C12orf42: variants seen among roughly 807,000 people sequenced by gnomAD.
The protein encoded by C12orf42 is uncharacterized protein C12orf42.
C12orf42 carries 25 observed loss-of-function variants against 21.6 expected under a neutral mutation model. The ratio of observed to expected loss-of-function variants is 1.16; its 90% CI spans 0.84 to 1.62. The LOEUF (loss-of-function observed/expected upper bound fraction) is 1.62. C12orf42 is among the 40% of genes most tolerant of loss of function. The pLI is 0.00. For synonymous variants in C12orf42, 174 were observed against 175.0 expected, an observed-to-expected ratio of 0.99 and a Z score of 0.05; for missense variants, 483 against 459.3, an observed-to-expected ratio of 1.05 and a Z score of -0.47.
At chr12:103,183,145 G>A in the C12orf42 span, among the ~76,000 whole-genome samples, 4 of 152,146 alleles carry the variant, frequency 2.6e-5, no homozygotes, top group Non-Finnish European at 4.4e-5. Flanking sequence ...ACAGTGGCCC[G>A]TTCTCAGTTC....
the C12orf42 span, among the ~76,000 whole-genome samples, chr12:103,051,233 T>C: frequency 1.3e-5 from 2 of 152,190 alleles, no homozygotes; most frequent in Non-Finnish European, 2.9e-5. Flanking sequence ...TAGTTCTAGT[T>C]GAACCATGCT....
intron 4 of C12orf42, among the ~76,000 whole-genome samples, chr12:103,312,710 T>C (rs1286880868): frequency 6.6e-6 from 1 of 152,216 alleles, no homozygotes; most frequent in Non-Finnish European, 1.5e-5. Flanking sequence ...TTTTAATGTG[T>C]AAGCATCTCT....
chr12:103,177,735 C>T, the C12orf42 span, among the ~76,000 whole-genome samples: 1 of 152,070 alleles, frequency 6.6e-6, no homozygotes, highest in African/African-American at 2.4e-5. Context: ...CAGTTTGCCT[C>T]TCCTCCTTCT....
downstream of C12orf42, chr12:103,267,694 T>G (rs1276372911): frequency 1.3e-5 from 2 of 152,118 alleles, no homozygotes. Flanking sequence ...TGAAGGTGTT[T>G]TAGAGATGAC....
chr12:103,343,057 G>T lies in C12orf42; in HGVS notation c.259+25830C>A, dbSNP rs887665069. ...AGCACAAATCCAAATGGAATAATTC[G>T]TTTTCAAAATATCAATATTTGCTGC... is the stretch of plus-strand genomic sequence containing the variant. On this transcript the variant is annotated intron_variant, in intron 4 of 5. Transcript: ENST00000548883. Among the ~76,000 whole-genome samples, 4 of 152,054 alleles carry T rather than the reference G, an allele frequency of 2.6e-5. No individual in the cohort carries two copies. The East Asian group carries it at 7.7e-4, about 29-fold the overall frequency.
chr12:103,227,042 T>C, the C12orf42 span, among the ~76,000 whole-genome samples: 1 of 152,168 alleles, frequency 6.6e-6, no homozygotes, highest in East Asian at 1.9e-4. Flanking sequence ...CAAGCGGCAT[T>C]GCAGAAGAAA....
chr12:103,132,747 C>T, the C12orf42 span, among the ~76,000 whole-genome samples: 1 of 152,108 alleles, frequency 6.6e-6, no homozygotes, highest in Admixed American at 6.6e-5. Flanking sequence ...GTAGCCACTG[C>T]ATGTTTTCAT....
chr12:103,547,361 A>G, the C12orf42 span, among the ~76,000 whole-genome samples: 1 of 152,246 alleles, frequency 6.6e-6, no homozygotes, highest in African/African-American at 2.4e-5. Context: ...AGAAAGTTCT[A>G]TTGGACCGAG....
the C12orf42 span, among the ~76,000 whole-genome samples, chr12:103,542,625 G>C: frequency 0.14 from 21,429 of 152,202 alleles, 1,867 homozygotes; most frequent in East Asian, 0.38. Flanking sequence ...AGATAATCTA[G>C]CTCCCCTTCC....
chr12:103,505,358 G>A, the C12orf42 span: 1 of 302,098 alleles, frequency 3.3e-6, no homozygotes, highest in African/African-American at 2.3e-5. Flanking sequence ...AGCAGAATAA[G>A]GGAGAGGAAA....
At chr12:103,449,585 C>T (rs1410784038) in intron 2 of C12orf42, among the ~76,000 whole-genome samples, 2 of 152,002 alleles carry the variant, frequency 1.3e-5, no homozygotes, top group South Asian at 2.1e-4. Flanking sequence ...GTAATACCAG[C>T]TCTGTGAGAT....
the C12orf42 span, among the ~76,000 whole-genome samples, chr12:103,050,872 A>T: frequency 6.6e-6 from 1 of 152,184 alleles, no homozygotes; most frequent in Non-Finnish European, 1.5e-5. Context: ...AGCTTTCAAA[A>T]ATACTTTTCA....
intron 4 of C12orf42, among the ~76,000 whole-genome samples, chr12:103,354,905 G>A (rs2043392965): frequency 6.6e-6 from 1 of 151,884 alleles, no homozygotes; most frequent in Non-Finnish European, 1.5e-5. Flanking sequence ...CTAGAAGAGG[G>A]GATTCTGAAT....
At chr12:103,533,105 C>T in the C12orf42 span, among the ~76,000 whole-genome samples, 1 of 152,240 alleles carries the variant, frequency 6.6e-6, no homozygotes, top group Admixed American at 6.5e-5. Flanking sequence ...ATAATACTAA[C>T]GATATAAATG....
At chr12:103,322,118 C>T (rs779961133) in intron 4 of C12orf42, among the ~76,000 whole-genome samples, 12,751 of 120,090 alleles carry the variant, frequency 0.11, 543 homozygotes, top group East Asian at 0.24. Context: ...TGCGTGCGCG[C>T]GCGCGCGCAC....
chr12:103,103,166 C>T, the C12orf42 span, among the ~76,000 whole-genome samples: 1 of 152,174 alleles, frequency 6.6e-6, no homozygotes, highest in Non-Finnish European at 1.5e-5. Flanking sequence ...CCATCATATC[C>T]ATAGGTTCCT....
At chr12:103,338,308 GCTCT>G (rs1346527687) in intron 4 of C12orf42, among the ~76,000 whole-genome samples, 1 of 152,188 alleles carries the variant, frequency 6.6e-6, no homozygotes, top group Admixed American at 6.5e-5. Flanking sequence ...AAGGACCACA[GCTCT>G]CTAACAGAAC....
At chr12:103,094,275 AC>A in the C12orf42 span, among the ~76,000 whole-genome samples, 1 of 152,144 alleles carries the variant, frequency 6.6e-6, no homozygotes, top group Non-Finnish European at 1.5e-5. Flanking sequence ...CTATTAAAAC[AC>A]TTTGAGTGGT....
At chr12:103,158,385 A>T in the C12orf42 span, among the ~76,000 whole-genome samples, 3 of 152,036 alleles carry the variant, frequency 2.0e-5, no homozygotes, top group Non-Finnish European at 4.4e-5. Context: ...TGCGCTGACC[A>T]CTCAGCACTG....
Sources: allele counts gnomAD v4.1 joint callset (sites outside exome capture counted in the v4.1 genomes callset), GRCh38; gene constraint gnomAD v4.1.1; transcripts MANE v1.5; gene names NCBI Gene and HGNC (gene_info 2026-07-23, HGNC 2026-07-21).